The following CDH4 variants were observed in gnomAD, a reference collection of about 807,000 sequenced individuals.
CDH4 encodes the protein cadherin-4.
Under a neutral mutation model 86.0 loss-of-function variants are expected in CDH4, and 33 were observed. The observed-to-expected ratio is 0.38, with a 90% confidence interval of 0.29 to 0.51. CDH4 has a LOEUF of 0.51. Among genes scored for constraint, CDH4 ranks in the 20% least tolerant of loss-of-function variants. CDH4 has a pLI of 0.86. For missense variants in CDH4, 1,114 were observed against 1,307.4 expected (o/e 0.85, Z 2.28); for synonymous variants, 555 against 549.4 (o/e 1.01, Z -0.14).
intron 4 of CDH4, among the ~76,000 whole-genome samples, chr20:61,790,673 C>T (rs1472007998): frequency 8.6e-5 from 13 of 151,862 alleles, no homozygotes; most frequent in Non-Finnish European, 4.4e-5. Context: ...ACCCACCATC[C>T]ATCCATTCAT....
chr20:61,552,245 G>A lies in CDH4; in HGVS notation c.170-191318G>A, dbSNP rs182538814. Among the ~76,000 whole-genome samples, 646 of 152,240 alleles carry A rather than the reference G, an allele frequency of 4.2e-3. 2 individuals are homozygous for A. Among genetic ancestry groups the A allele is most frequent in the Non-Finnish European group, 6.5e-3 (441 of 68,016 alleles). On this transcript the variant is annotated intron_variant, in intron 2 of 15. Coordinates refer to ENST00000614565, the MANE Select transcript of CDH4 (RefSeq NM_001794.5). ...TGTATATATAAGAGTCTAGTATCAA[G>A]AATATATAAAGAACTCTTACAACTT...
intron 2 of CDH4, among the ~76,000 whole-genome samples, chr20:61,574,197 CAT>C (rs2086365851): frequency 6.6e-6 from 1 of 152,250 alleles, no homozygotes; most frequent in African/African-American, 2.4e-5. Context: ...ACCTTGCACA[CAT>C]ATAGATTCAA....
At chr20:61,427,388 T>C (rs1337899999) in intron 2 of CDH4, among the ~76,000 whole-genome samples, 1 of 152,208 alleles carries the variant, frequency 6.6e-6, no homozygotes, top group Admixed American at 6.5e-5. Flanking sequence ...ATTAGCAATT[T>C]TTCTGCAGGG....
intron 2 of CDH4, among the ~76,000 whole-genome samples, chr20:61,331,636 G>GCC (rs1568801119): frequency 0.023 from 926 of 40,448 alleles, no homozygotes; most frequent in East Asian, 0.048. Flanking sequence ...TCCTGCCCCA[G>GCC]ACCCACCTCC....
intron 2 of CDH4, among the ~76,000 whole-genome samples, chr20:61,363,423 T>A (rs577057042): frequency 3.0e-4 from 46 of 152,144 alleles, no homozygotes; most frequent in African/African-American, 1.0e-3. Flanking sequence ...TCTCTCTCTC[T>A]CTCTCACATA....
chr20:61,788,491 G>A lies in CDH4; in HGVS notation c.576+15309G>A, dbSNP rs117300679. 4.5e-3 allele frequency among the ~76,000 whole-genome samples: 688 copies of A among 152,270 alleles called. 4 individuals carry two copies. The highest frequency in any genetic ancestry group is 0.034 in the Middle Eastern group (10 of 294). ...GGATCCTGGCTCCCAGCTCCCTTCC[G>A]GCACCCAGAGGTGGGGTCAGGAGGC... On this transcript the variant is annotated intron_variant, in intron 4 of 15. Transcript: ENST00000614565.
chr20:61,781,329 T>C (rs533136343), intron 4 of CDH4, among the ~76,000 whole-genome samples: 1 of 152,042 alleles, frequency 6.6e-6, no homozygotes, highest in South Asian at 2.1e-4. Context: ...CACCCAGACA[T>C]TGGAACTAGC....
At chr20:61,721,624 AG>A (rs1200750921) in intron 2 of CDH4, among the ~76,000 whole-genome samples, 8 of 152,234 alleles carry the variant, frequency 5.3e-5, no homozygotes, top group African/African-American at 1.9e-4. Context: ...TTACCTCAGG[AG>A]AAACGCTTCA....
chr20:61,318,908 G>C (rs1486010094), intron 2 of CDH4, among the ~76,000 whole-genome samples: 4 of 152,200 alleles, frequency 2.6e-5, no homozygotes, highest in Admixed American at 2.6e-4. Flanking sequence ...CGGTGGTAGA[G>C]AGCTGGGCAG....
At chr20:61,386,503 CTT>C (rs11468046) in intron 2 of CDH4, among the ~76,000 whole-genome samples, 26,614 of 152,152 alleles carry the variant, frequency 0.17, 3,052 homozygotes, top group East Asian at 0.41. Context: ...ACTGTAAGCT[CTT>C]TCCTTCTGGT....
At chr20:61,798,163 A>G (rs1979638628) in intron 4 of CDH4, among the ~76,000 whole-genome samples, 1 of 150,260 alleles carries the variant, frequency 6.7e-6, no homozygotes, top group East Asian at 2.0e-4. Flanking sequence ...CTCCTGAGCC[A>G]GCAGCCATAA....
chr20:61,857,466 A>C (rs1360752497), intron 6 of CDH4, among the ~76,000 whole-genome samples: 1 of 152,240 alleles, frequency 6.6e-6, no homozygotes, highest in African/African-American at 2.4e-5. Context: ...TCCAAAAAAA[A>C]ACAAGGTCCA....
At chr20:61,883,744 A>G (rs1250026257) in intron 7 of CDH4, among the ~76,000 whole-genome samples, 1 of 152,070 alleles carries the variant, frequency 6.6e-6, no homozygotes, top group Non-Finnish European at 1.5e-5. Flanking sequence ...AGGAGCCCCC[A>G]GCGCCTGCTG....
At chr20:61,620,995 A>G (rs925537028) in intron 2 of CDH4, among the ~76,000 whole-genome samples, 2 of 152,218 alleles carry the variant, frequency 1.3e-5, no homozygotes, top group African/African-American at 2.4e-5. Flanking sequence ...GCTCTCGATC[A>G]TGTCTGCAGG....
At chr20:61,896,543 G>A (rs1260856071) in intron 8 of CDH4, among the ~76,000 whole-genome samples, 2 of 152,224 alleles carry the variant, frequency 1.3e-5, no homozygotes, top group African/African-American at 2.4e-5. Flanking sequence ...CCAGGCTCCT[G>A]GCAGTGAGTC....
chr20:61,268,479 T>C (rs1252977056), intron 2 of CDH4, among the ~76,000 whole-genome samples: 1 of 152,234 alleles, frequency 6.6e-6, no homozygotes, highest in African/African-American at 2.4e-5. Context: ...AAGAGGAAGA[T>C]ACCTTTTCTC....
intron 2 of CDH4, among the ~76,000 whole-genome samples, chr20:61,545,478 A>G (rs555401239): frequency 1.3e-5 from 2 of 152,192 alleles, no homozygotes; most frequent in Non-Finnish European, 2.9e-5. Flanking sequence ...GGTGTCCCTC[A>G]TTGCTGGCGT....
At position 61,852,772 on chromosome 20, in the gene CDH4, G is replaced by T; in HGVS notation, c.751G>T (p.Asp251Tyr). The change falls in exon 6 of 16, where the codon GAC (aspartate) becomes TAC (tyrosine). Residue 251 changes from aspartate (D) to tyrosine (Y), a missense_variant. By Grantham distance (160) the Asp-to-Tyr change is radical (BLOSUM62 -3). This residue lies in a region of CDH4 where 705 missense variants were observed against 914.1 expected (regional missense o/e 0.77). Coordinates refer to ENST00000614565, the MANE Select transcript of CDH4 (RefSeq NM_001794.5). ...TTTCCAGCTCCGAGCCCACGCTGTGGACATGAATGGCAACAAGGTGGAGAA... is the reference window on the plus strand; with the variant it reads ...TTTCCAGCTCCGAGCCCACGCTGTGTACATGAATGGCAACAAGGTGGAGAA... ...ASYHLRAHAV[D>Y]MNGNKVENPI... 6.2e-7 allele frequency: 1 copy of T among 1,613,400 alleles called. No homozygotes were observed. The highest frequency in any genetic ancestry group is 8.5e-7 in the Non-Finnish European group (1 of 1,179,606).
chr20:61,811,360 A>G lies in CDH4; in HGVS notation c.577-33308A>G, dbSNP rs1435480253. ...TGAAATGCCCCTTCCCGGCTTACAC[A>G]GACACAGCCCAGGAGAAAAAGCAGT... On this transcript the variant is annotated intron_variant, in intron 4 of 15. Coordinates refer to ENST00000614565, the MANE Select transcript of CDH4 (RefSeq NM_001794.5). The surrounding 1 kb of genome is among the most constrained non-coding windows in gnomAD (Gnocchi z 4.4). Among the ~76,000 whole-genome samples the G allele has an allele frequency of 6.6e-6, 1 of 152,190 alleles. No homozygotes were observed. The highest frequency in any genetic ancestry group is 1.5e-5 in the Non-Finnish European group (1 of 68,038).
Sources: allele counts gnomAD v4.1 joint callset (sites outside exome capture counted in the v4.1 genomes callset), GRCh38; gene constraint gnomAD v4.1.1; regional missense constraint gnomAD v4.1.1; non-coding constraint Gnocchi (gnomAD v3.1); transcripts MANE v1.5; gene names NCBI Gene and HGNC (gene_info 2026-07-23, HGNC 2026-07-21).